The following SORBS2 variants were observed in gnomAD, a reference collection of about 807,000 sequenced individuals.
SORBS2 encodes the protein sorbin and SH3 domain containing 2.
In SORBS2, 46 loss-of-function variants were observed where a neutral mutation model predicts 97.7. The ratio of observed to expected loss-of-function variants is 0.47; its 90% confidence interval spans 0.37 to 0.60. The LOEUF (loss-of-function observed/expected upper bound fraction) is 0.60. Ranked by LOEUF, SORBS2 falls within the 20% of genes least tolerant of loss-of-function variation. SORBS2 has a pLI of 0.00. For missense variants in SORBS2, 1,316 were observed against 1,282.3 expected, an observed-to-expected ratio of 1.03 and a Z score of -0.40; for synonymous variants, 476 against 473.4, an observed-to-expected ratio of 1.01 and a Z score of -0.07.
At chr4:185,708,661 G>A (rs2871490) in intron 2 of SORBS2, among the ~76,000 whole-genome samples, 72,427 of 151,974 alleles carry the variant, frequency 0.48, 18,728 homozygotes, top group Non-Finnish European at 0.57. Flanking sequence ...TCCGCCCTCC[G>A]TGATGCCTGC....
chr4:185,821,362 T>G (rs890880148), intron 1 of SORBS2, among the ~76,000 whole-genome samples: 1 of 152,174 alleles, frequency 6.6e-6, no homozygotes, highest in Non-Finnish European at 1.5e-5. Context: ...ACCTTGTTTT[T>G]CGTGGTAAGA....
chr4:185,800,546 T>G (rs1360051238), intron 1 of SORBS2, among the ~76,000 whole-genome samples: 2 of 152,146 alleles, frequency 1.3e-5, no homozygotes, highest in Non-Finnish European at 2.9e-5. Context: ...ATCTCTTTGC[T>G]GTCCTCCCTG....
chr4:185,856,635 G>T (rs953605568), intron 1 of SORBS2, among the ~76,000 whole-genome samples: 2 of 152,090 alleles, frequency 1.3e-5, no homozygotes, highest in African/African-American at 4.8e-5. Flanking sequence ...CAAATTTAAT[G>T]TGGTGGAAAT....
chr4:185,800,291 C>G (rs531974147), intron 1 of SORBS2, among the ~76,000 whole-genome samples: 132 of 152,310 alleles, frequency 8.7e-4, no homozygotes, highest in African/African-American at 3.0e-3. Context: ...CAAGAAATCT[C>G]ACCTGCGTCA....
At chr4:185,803,044 G>A (rs982139668) in intron 1 of SORBS2, among the ~76,000 whole-genome samples, 3 of 152,168 alleles carry the variant, frequency 2.0e-5, no homozygotes, top group African/African-American at 7.2e-5. Flanking sequence ...AAGCTCTAGT[G>A]GTTCAGTGAT....
chr4:185,638,147 G>A (rs267600110), intron 4 of SORBS2: 1 of 1,608,288 alleles, frequency 6.2e-7, no homozygotes, highest in Non-Finnish European at 8.5e-7. Flanking sequence ...ATGTCATCTG[G>A]ATTTATGCGA....
At chr4:185,807,723 T>C (rs1333501365) in intron 1 of SORBS2, among the ~76,000 whole-genome samples, 1 of 152,234 alleles carries the variant, frequency 6.6e-6, no homozygotes, top group East Asian at 1.9e-4. Flanking sequence ...TCAGAAATAA[T>C]ACAGAAAAAC....
intron 3 of SORBS2, 146 bp from the exon 13 acceptor site, chr4:185,646,928 C>T: frequency 1.7e-6 from 1 of 604,768 alleles, no homozygotes; most frequent in Non-Finnish European, 2.9e-6. Context: ...TGAAAAATAC[C>T]ACATTCCCCC....
In SORBS2 at chr4:185,875,534, G is replaced by A. The variant is rs141995337; in HGVS notation, c.-338+80662C>T. On this transcript the variant is annotated intron_variant, in intron 1 of 20. Coordinates refer to the SORBS2 transcript ENST00000284776. The stretch of plus-strand genomic sequence containing the variant: ...TTGTTGAAGCATATAGTTGTAGAGA[G>A]TGACTTTTCATTTTACAGTGCTTAG... Among the ~76,000 whole-genome samples, 597 of 152,336 alleles carry A rather than the reference G, an allele frequency of 3.9e-3. 1 individual carries two copies. Among genetic ancestry groups the A allele is most frequent in the South Asian group, 0.021 (103 of 4,830 alleles).
chr4:185,657,566 T>G, upstream of SORBS2: 1 of 1,588,020 alleles, frequency 6.3e-7, no homozygotes, highest in Non-Finnish European at 8.5e-7. Flanking sequence ...ATCCAGAGAC[T>G]GCGCATGCTG....
intron 1 of SORBS2, among the ~76,000 whole-genome samples, chr4:185,913,526 C>G (rs1049350535): frequency 6.6e-6 from 1 of 152,258 alleles, no homozygotes; most frequent in South Asian, 2.1e-4. Flanking sequence ...TTTCTCTGAT[C>G]GCAATGATTG....
At chr4:185,813,772 T>A (rs2099191028) in intron 1 of SORBS2, among the ~76,000 whole-genome samples, 1 of 152,182 alleles carries the variant, frequency 6.6e-6, no homozygotes. Context: ...CTCATGACTC[T>A]CCCAGGTGGG....
At chr4:185,654,238 G>A (rs2097360012) in intron 1 of SORBS2, among the ~76,000 whole-genome samples, 1 of 152,170 alleles carries the variant, frequency 6.6e-6, no homozygotes, top group African/African-American at 2.4e-5. Context: ...TTGCAGTGGT[G>A]AAGCAAAGGT....
intron 1 of SORBS2, among the ~76,000 whole-genome samples, chr4:185,896,024 C>A (rs964195552): frequency 6.6e-6 from 1 of 152,096 alleles, no homozygotes; most frequent in African/African-American, 2.4e-5. Flanking sequence ...ATCCCATTGA[C>A]CACAATTATC....
At chr4:185,795,499 T>G (rs1372368299) in intron 1 of SORBS2, among the ~76,000 whole-genome samples, 1 of 152,160 alleles carries the variant, frequency 6.6e-6, no homozygotes, top group East Asian at 1.9e-4. Flanking sequence ...GGGCTACATG[T>G]GGCTCCCGGG....
At chr4:185,894,635 T>C (rs1223031306) in intron 1 of SORBS2, among the ~76,000 whole-genome samples, 1 of 152,200 alleles carries the variant, frequency 6.6e-6, no homozygotes, top group Non-Finnish European at 1.5e-5. Flanking sequence ...CTGTAATTGC[T>C]GCACTGTCAG....
At chr4:185,818,166 T>A (rs991467411) in intron 1 of SORBS2, among the ~76,000 whole-genome samples, 15 of 152,160 alleles carry the variant, frequency 9.9e-5, no homozygotes, top group Non-Finnish European at 1.9e-4. Context: ...CCTACCCAGG[T>A]CAGAATTCAG....
chr4:185,646,928 C>A, intron 3 of SORBS2, 146 bp from the exon 13 acceptor site: 1 of 604,768 alleles, frequency 1.7e-6, no homozygotes, highest in South Asian at 2.1e-5. Flanking sequence ...TGAAAAATAC[C>A]ACATTCCCCC....
chr4:185,627,072 G>A, intron 5 of SORBS2, 53 bp from the exon 18 acceptor site: 1 of 1,554,180 alleles, frequency 6.4e-7, no homozygotes, highest in South Asian at 1.1e-5. Flanking sequence ...GTTCGGGTGT[G>A]CACCAGAAAA....
Sources: gnomAD v4.1 joint callset for allele counts (sites outside exome capture counted in the v4.1 genomes callset) on GRCh38, gnomAD v4.1.1 for gene constraint, MANE v1.5 for transcripts, NCBI Gene and HGNC (gene_info 2026-07-23, HGNC 2026-07-21) for gene names.